TAOK1: variants seen among roughly 807,000 people sequenced by gnomAD.
TAOK1 encodes the protein serine/threonine-protein kinase TAO1.
A neutral mutation model predicts 138.3 loss-of-function variants in TAOK1; 21 were observed. That is an observed-to-expected ratio of 0.15 (90% CI 0.11 to 0.22). The LOEUF is 0.22. Among genes scored for constraint, TAOK1 ranks in the 10% least tolerant of loss-of-function variants. TAOK1 has a pLI of 1.00. For synonymous variants in TAOK1, 361 were observed against 398.4 expected (o/e 0.91, Z 1.12); for missense variants, 651 against 1,227.7 (o/e 0.53, Z 7.02).
chr17:29,471,976 G>T (rs974611888), intron 3 of TAOK1, among the ~76,000 whole-genome samples: 5 of 152,162 alleles, frequency 3.3e-5, no homozygotes, highest in African/African-American at 1.2e-4. Context: ...TTGCAGCAGT[G>T]TAGTCACATC....
intron 12 of TAOK1, among the ~76,000 whole-genome samples, chr17:29,500,369 G>A (rs1010139905): frequency 6.6e-6 from 1 of 152,024 alleles, no homozygotes; most frequent in Admixed American, 6.6e-5. Context: ...CACAGCTTGT[G>A]TTATTATCTA....
chr17:29,493,435 G>A (rs967142510), intron 10 of TAOK1, among the ~76,000 whole-genome samples: 3 of 151,616 alleles, frequency 2.0e-5, no homozygotes, highest in East Asian at 1.9e-4. Flanking sequence ...CAGAGGTTGT[G>A]GTGAGCTGAG....
At position 29,549,016 on chromosome 17, in the gene TAOK1, T is replaced by C. The variant is rs2032447657; in HGVS notation, c.*5994T>C. The C allele has an allele frequency of 6.6e-6, 1 of 152,170 alleles. No individual in the cohort carries two copies. Among genetic ancestry groups the C allele is most frequent in the South Asian group, 2.1e-4 (1 of 4,830 alleles). The allele number at this position is 152,170 out of a possible 1,614,324, so 9.4% of individuals were successfully genotyped here. A position where few individuals can be genotyped will look rare whatever the true frequency, so the allele number is the denominator to read the frequency against. On this transcript the variant is annotated 3_prime_UTR_variant, in exon 20 of 20. Transcript: ENST00000261716. ...AGCCTCTCTCCCCCAGTGGCCATGTTTACAAAAGTGTGTTTTGTCTATAAA... is the reference window on the plus strand; with the variant it reads ...AGCCTCTCTCCCCCAGTGGCCATGTCTACAAAAGTGTGTTTTGTCTATAAA...
At chr17:29,469,819 ATTT>A (rs562278339) in intron 3 of TAOK1, among the ~76,000 whole-genome samples, 1 of 152,128 alleles carries the variant, frequency 6.6e-6, no homozygotes, top group African/African-American at 2.4e-5. Context: ...TAAGGAATAC[ATTT>A]TTTTGAGTCT....
At chr17:29,394,278 G>C (rs774609353) in intron 1 of TAOK1, among the ~76,000 whole-genome samples, 1 of 142,492 alleles carries the variant, frequency 7.0e-6, no homozygotes, top group South Asian at 2.4e-4. Context: ...CCAGTCTCCT[G>C]CCTCAGCCTC....
chr17:29,497,475 A>G (rs1046598991), intron 11 of TAOK1, among the ~76,000 whole-genome samples: 2 of 152,124 alleles, frequency 1.3e-5, no homozygotes, highest in Admixed American at 1.3e-4. Flanking sequence ...CTATCTATAT[A>G]TGTGTCTGTG....
chr17:29,469,330 A>G (rs2030759215), intron 3 of TAOK1, among the ~76,000 whole-genome samples: 1 of 152,106 alleles, frequency 6.6e-6, no homozygotes, highest in Non-Finnish European at 1.5e-5. Context: ...GGTAAAATAC[A>G]ACATAAAATT....
intron 15 of TAOK1, chr17:29,514,301 G>A (rs1359557677): frequency 2.6e-5 from 4 of 152,090 alleles, no homozygotes; most frequent in African/African-American, 4.8e-5. Context: ...AGTAGTCTCT[G>A]AAAAATGATC....
rs66788063 is a variant in TAOK1 at position 29,530,962 on chromosome 17, A to ATTTTTTTTTTTTTTTTT, written c.2361+344_2361+360dup. On this transcript the variant is annotated intron_variant, in intron 18 of 19. Coordinates refer to ENST00000261716, the MANE Select transcript of TAOK1 (RefSeq NM_020791.4). Reference sequence around the variant, plus strand: ...TGGTTGTGTTTGAGTACAAGTACAAATTTTTTTTTTTTTTTTTGAGACGGA... The same window carrying ATTTTTTTTTTTTTTTTT: ...TGGTTGTGTTTGAGTACAAGTACAAATTTTTTTTTTTTTTTTTTTTTTTTTTTTTTTTTTGAGACGGA... Among the ~76,000 whole-genome samples, 939 of 96,106 alleles carry ATTTTTTTTTTTTTTTTT rather than the reference A, an allele frequency of 9.8e-3. 132 individuals carry two copies. The highest frequency in any genetic ancestry group is 0.025 in the African/African-American group (565 of 22,924). 63.0% of individuals were successfully genotyped at this position (96,106 alleles called of 152,430 possible).
intron 3 of TAOK1, among the ~76,000 whole-genome samples, chr17:29,467,864 C>G (rs2030710942): frequency 6.6e-6 from 1 of 151,238 alleles, no homozygotes; most frequent in South Asian, 2.1e-4. Flanking sequence ...CGCTCTGTCA[C>G]CTAAGCTGGA....
In TAOK1 at chr17:29,548,163, C is replaced by A. The variant is rs900342723; in HGVS notation, c.*5141C>A. 8 of 152,066 alleles carry A rather than the reference C, an allele frequency of 5.3e-5. No homozygotes were observed. Among genetic ancestry groups the A allele is most frequent in the Admixed American group, 3.3e-4 (5 of 15,256 alleles). 9.4% of individuals were successfully genotyped at this position (152,066 alleles called of 1,614,324 possible). ...GTATTCAGATTTCCAAAATTTCACT[C>A]ATACAAGGGAAGAGACTCCATTTAG... On this transcript the variant is annotated 3_prime_UTR_variant, in exon 20 of 20. Transcript: ENST00000261716.
At chr17:29,496,147 T>G (rs886500326) in intron 11 of TAOK1, among the ~76,000 whole-genome samples, 3 of 152,078 alleles carry the variant, frequency 2.0e-5, no homozygotes, top group Non-Finnish European at 4.4e-5. Context: ...GTTGCCCAGG[T>G]TGGAGTGCAA....
At chr17:29,460,616 T>C (rs2030509365) in intron 2 of TAOK1, among the ~76,000 whole-genome samples, 1 of 152,190 alleles carries the variant, frequency 6.6e-6, no homozygotes, top group African/African-American at 2.4e-5. Context: ...CCTGCTACAT[T>C]ACCCTAAGAA....
chr17:29,425,956 C>T (rs2153022203), intron 1 of TAOK1, among the ~76,000 whole-genome samples: 1 of 152,340 alleles, frequency 6.6e-6, no homozygotes, highest in South Asian at 2.1e-4. Flanking sequence ...TCTCGGCTCA[C>T]TGCAAGCTCC....
chr17:29,541,666 C>T (rs2032319147), intron 19 of TAOK1, among the ~76,000 whole-genome samples: 1 of 150,370 alleles, frequency 6.7e-6, no homozygotes, highest in Non-Finnish European at 1.5e-5. Flanking sequence ...ATCCCAGCTA[C>T]ATGGGAGGCT....
At chr17:29,402,092 T>C (rs1018963635) in intron 1 of TAOK1, among the ~76,000 whole-genome samples, 2 of 152,186 alleles carry the variant, frequency 1.3e-5, no homozygotes, top group Non-Finnish European at 2.9e-5. Flanking sequence ...TTAGTCGTTA[T>C]ATTGGGTATA....
intron 1 of TAOK1, among the ~76,000 whole-genome samples, chr17:29,442,577 A>G (rs1296168841): frequency 6.6e-6 from 1 of 152,148 alleles, no homozygotes; most frequent in Non-Finnish European, 1.5e-5. Flanking sequence ...ACCTCTGAAC[A>G]GTGTTGAATA....
rs1283724222 is a variant in TAOK1, at chr17:29,532,351, TGTGG to T, written c.2361+1733_2361+1736del. ...TCTAGGTTTTTCTTTTTTGTTTGTT[TGTGG>T]TTTTTTTTTTTTTGATCATTCTTGG... On this transcript the variant is annotated intron_variant, in intron 18 of 19. Coordinates refer to ENST00000261716, the MANE Select transcript of TAOK1 (RefSeq NM_020791.4). 7.4e-4 allele frequency among the ~76,000 whole-genome samples: 77 copies of T among 103,470 alleles called. 2 individuals are homozygous for T. The Middle Eastern group carries it at 0.017, about 23-fold the overall frequency. The allele number at this position is 103,470 out of a possible 152,430, so 67.9% of individuals were successfully genotyped here. A position where few individuals can be genotyped will look rare whatever the true frequency, so the allele number is the denominator to read the frequency against.
chr17:29,527,254 G>A (rs551031084), intron 17 of TAOK1, among the ~76,000 whole-genome samples: 16 of 151,992 alleles, frequency 1.1e-4, no homozygotes, highest in Non-Finnish European at 1.8e-4. Flanking sequence ...TCATGCCACT[G>A]CACTCCAGCC....
Sources: allele counts gnomAD v4.1 joint callset (sites outside exome capture counted in the v4.1 genomes callset), GRCh38; gene constraint gnomAD v4.1.1; transcripts MANE v1.5; gene names NCBI Gene and HGNC (gene_info 2026-07-23, HGNC 2026-07-21).